PPP2R3A: variants seen among roughly 807,000 people sequenced by gnomAD.
PPP2R3A encodes the protein protein phosphatase 2 regulatory subunit B''alpha.
In PPP2R3A, 80 loss-of-function variants were observed where a neutral mutation model predicts 106.9. That is an observed-to-expected ratio of 0.75 (90% confidence interval 0.62 to 0.90). The LOEUF is 0.90. Among genes scored for constraint, PPP2R3A ranks in the 40% least tolerant of loss-of-function variants. PPP2R3A has a pLI of 0.00. For missense variants in PPP2R3A, 1,386 were observed against 1,350.4 expected, an observed-to-expected ratio of 1.03 and a Z score of -0.41; for synonymous variants, 483 against 468.3, an observed-to-expected ratio of 1.03 and a Z score of -0.41.
chr3:136,042,819 TG>T (rs1254951238), intron 4 of PPP2R3A, among the ~76,000 whole-genome samples: 4 of 152,182 alleles, frequency 2.6e-5, no homozygotes, highest in Non-Finnish European at 5.9e-5. Context: ...TGCCCTCTAG[TG>T]GAAACTCCTC....
intron 13 of PPP2R3A, among the ~76,000 whole-genome samples, chr3:136,144,384 C>G (rs373785322): frequency 6.6e-6 from 1 of 151,880 alleles, no homozygotes; most frequent in East Asian, 1.9e-4. Flanking sequence ...CCACTCTGGC[C>G]GACCAGTGGC....
intron 6 of PPP2R3A, among the ~76,000 whole-genome samples, chr3:136,072,352 G>C (rs1193374361): frequency 1.3e-5 from 2 of 152,188 alleles, no homozygotes; most frequent in Non-Finnish European, 2.9e-5. Context: ...AGCACTTTGG[G>C]AGCCCGAGGC....
intron 8 of PPP2R3A, among the ~76,000 whole-genome samples, chr3:136,083,470 T>G (rs899899991): frequency 6.6e-6 from 1 of 152,196 alleles, no homozygotes; most frequent in African/African-American, 2.4e-5. Context: ...TTGTGAGGCC[T>G]TCTCAGCCAT....
intron 13 of PPP2R3A, among the ~76,000 whole-genome samples, chr3:136,136,064 AAAAAAAAAAT>A (rs1470446762): frequency 2.1e-5 from 2 of 94,378 alleles, no homozygotes; most frequent in African/African-American, 8.2e-5. Flanking sequence ...AAAAAAAAAA[AAAAAAAAAAT>A]TATATATATA....
At chr3:136,120,663 A>G (rs1197407353) in intron 13 of PPP2R3A, among the ~76,000 whole-genome samples, 1 of 152,174 alleles carries the variant, frequency 6.6e-6, no homozygotes, top group Non-Finnish European at 1.5e-5. Flanking sequence ...ATGGGAGAAA[A>G]TATTCTCAAA....
chr3:136,024,943 GAA>G (rs1283663866), intron 2 of PPP2R3A, among the ~76,000 whole-genome samples: 14 of 152,180 alleles, frequency 9.2e-5, no homozygotes, highest in Non-Finnish European at 4.4e-5. Context: ...AAGGCAGAGA[GAA>G]ATGTTTATTG....
intron 5 of PPP2R3A, chr3:136,055,374 A>G (rs1935826082): frequency 2.1e-6 from 2 of 964,194 alleles, no homozygotes; most frequent in Non-Finnish European, 3.4e-6. Context: ...TCAGGTCCAC[A>G]GGTAGGACTT....
At position 135,993,777 on chromosome 3, in the gene PPP2R3A, G is replaced by A. The variant is rs547232946; in HGVS notation, c.-440-7282G>A. 2.0e-5 allele frequency among the ~76,000 whole-genome samples: 3 copies of A among 152,254 alleles called. No homozygotes were observed. The East Asian group carries it at 5.8e-4, about 29-fold the overall frequency. On this transcript the variant is annotated intron_variant, in intron 1 of 13. Transcript: ENST00000264977. ...CAGCAGTGTAAAGGAATGTACAATT[G>A]ATAACATACAGTAAAATGGATAAAT...
At chr3:135,984,228 CCCCAGCT>C (rs1246550613) in intron 1 of PPP2R3A, among the ~76,000 whole-genome samples, 2 of 152,256 alleles carry the variant, frequency 1.3e-5, no homozygotes, top group South Asian at 2.1e-4. Context: ...GAACTGACTA[CCCCAGCT>C]CCTTTAGCCT....
At chr3:135,996,035 T>C (rs1933383448) in intron 1 of PPP2R3A, among the ~76,000 whole-genome samples, 2 of 152,214 alleles carry the variant, frequency 1.3e-5, no homozygotes, top group Non-Finnish European at 2.9e-5. Context: ...TTTACAATGG[T>C]GTTTTCTTGA....
At chr3:136,100,196 T>C (rs1003504458) in intron 10 of PPP2R3A, among the ~76,000 whole-genome samples, 3 of 151,978 alleles carry the variant, frequency 2.0e-5, no homozygotes, top group African/African-American at 4.8e-5. Context: ...GGATAAACAA[T>C]GGATCAATAC....
chr3:136,043,439 A>C, intron 4 of PPP2R3A, among the ~76,000 whole-genome samples: 1 of 152,162 alleles, frequency 6.6e-6, no homozygotes, highest in Non-Finnish European at 1.5e-5. Flanking sequence ...AGCCTGGGTG[A>C]CAGAACGAGA....
chr3:136,137,458 G>C (rs1161722693), intron 13 of PPP2R3A, among the ~76,000 whole-genome samples: 2 of 143,196 alleles, frequency 1.4e-5, no homozygotes, highest in African/African-American at 5.2e-5. Flanking sequence ...GGGCAGATTA[G>C]AACTGTTTTC....
chr3:136,002,058 T>C lies in PPP2R3A; in HGVS notation c.560T>C (p.Leu187Ser). 6.2e-7 allele frequency: 1 copy of C among 1,613,998 alleles called. No homozygotes were observed. Among genetic ancestry groups the C allele is most frequent in the Non-Finnish European group, 8.5e-7 (1 of 1,179,984 alleles). Residue 187 changes from leucine (L) to serine (S), a missense_variant, in exon 2 of 14, where the codon TTG becomes TCG. Transcript: ENST00000264977. ...AGTTCCTCAGTTGAGGAAAAACCTT[T>C]GTCTCATAGAAACTCACTGGATACG... ...LRSSSVEEKP[L>S]SHRNSLDTNL...
chr3:135,980,359 C>G (rs1937525286), intron 1 of PPP2R3A, among the ~76,000 whole-genome samples: 1 of 151,082 alleles, frequency 6.6e-6, no homozygotes, highest in Non-Finnish European at 1.5e-5. Flanking sequence ...ATATCTTGCT[C>G]AGTACATAAG....
intron 8 of PPP2R3A, among the ~76,000 whole-genome samples, chr3:136,084,198 G>A (rs1387115863): frequency 1.3e-5 from 2 of 152,326 alleles, no homozygotes; most frequent in East Asian, 3.9e-4. Context: ...GGCCAGGCCT[G>A]GGGCCCCCCC....
chr3:136,140,030 G>A (rs950728513), intron 13 of PPP2R3A, among the ~76,000 whole-genome samples: 1 of 149,086 alleles, frequency 6.7e-6, no homozygotes, highest in Non-Finnish European at 1.5e-5. Context: ...AAAAGAATAT[G>A]TTCTCAATTT....
At chr3:136,096,664 A>G (rs1479769699) in intron 10 of PPP2R3A, among the ~76,000 whole-genome samples, 1 of 152,256 alleles carries the variant, frequency 6.6e-6, no homozygotes, top group Non-Finnish European at 1.5e-5. Flanking sequence ...TATATTGAAT[A>G]TGCAACAGAA....
intron 13 of PPP2R3A, among the ~76,000 whole-genome samples, chr3:136,113,279 G>A (rs1484510677): frequency 2.6e-5 from 4 of 152,156 alleles, no homozygotes. Flanking sequence ...CACACAGACT[G>A]CGTGGAACAA....
Sources: gnomAD v4.1 joint callset for allele counts (sites outside exome capture counted in the v4.1 genomes callset) on GRCh38, gnomAD v4.1.1 for gene constraint, MANE v1.5 for transcripts, NCBI Gene and HGNC (gene_info 2026-07-23, HGNC 2026-07-21) for gene names.